Variants in TIMP3 observed in about 807,000 individuals in gnomAD.
The protein encoded by TIMP3 is TIMP metallopeptidase inhibitor 3, also known as metalloproteinase inhibitor 3.
In TIMP3, 11 loss-of-function variants were observed where a neutral mutation model predicts 30.0. The ratio of observed to expected loss-of-function variants is 0.37; its 90% CI spans 0.23 to 0.61. TIMP3 has a LOEUF of 0.61. Among genes scored for constraint, TIMP3 ranks in the 20% least tolerant of loss-of-function variants. The pLI, the probability that TIMP3 is intolerant of heterozygous loss-of-function variation, is 0.70. For missense variants in TIMP3, 181 were observed against 276.8 expected (o/e 0.65, Z 2.45); for synonymous variants, 112 against 111.3 (o/e 1.01, Z -0.04).
At chr22:32,803,921 A>G (rs1431999548) in intron 1 of TIMP3, among the ~76,000 whole-genome samples, 1 of 152,140 alleles carries the variant, frequency 6.6e-6, no homozygotes, top group Non-Finnish European at 1.5e-5. Flanking sequence ...CTAAAAATTG[A>G]CCACGGAAAA....
intron 1 of TIMP3, among the ~76,000 whole-genome samples, chr22:32,820,251 T>C (rs1034897290): frequency 3.3e-5 from 5 of 150,148 alleles, no homozygotes; most frequent in Non-Finnish European, 1.5e-5. Flanking sequence ...CCTGTGTGTG[T>C]GTGTGTGTGT....
chr22:32,851,285 C>T (rs926882733), intron 2 of TIMP3, among the ~76,000 whole-genome samples: 46 of 152,162 alleles, frequency 3.0e-4, no homozygotes, highest in African/African-American at 1.1e-3. Context: ...CAGCAGAGAG[C>T]TGAGAGGGAA....
At chr22:32,831,713 C>T (rs2047579484) in intron 1 of TIMP3, among the ~76,000 whole-genome samples, 1 of 152,186 alleles carries the variant, frequency 6.6e-6, no homozygotes, top group Admixed American at 6.5e-5. Flanking sequence ...GATCCACCTG[C>T]CCCTCCCTTC....
chr22:32,833,377 C>T lies in TIMP3; in HGVS notation c.122-16075C>T, dbSNP rs138993424. 7.9e-3 allele frequency among the ~76,000 whole-genome samples: 1,207 copies of T among 152,232 alleles called. 9 individuals carry two copies. The highest frequency in any genetic ancestry group is 0.012 in the Non-Finnish European group (839 of 68,008). The stretch of plus-strand genomic sequence containing the variant: ...GTTTTTTTGTAAGCCCAAGATGTCA[C>T]CTAGGTGGGAGAAAGCCACAGGGAA... On this transcript the variant is annotated intron_variant, in intron 1 of 4. Transcript: ENST00000266085.
chr22:32,850,289 T>A (rs1393035462), intron 2 of TIMP3, among the ~76,000 whole-genome samples: 3 of 151,960 alleles, frequency 2.0e-5, no homozygotes, highest in Admixed American at 2.0e-4. Flanking sequence ...GGCTTGTCCC[T>A]TTTCCTGGGC....
At chr22:32,831,620 C>T (rs376940220) in intron 1 of TIMP3, among the ~76,000 whole-genome samples, 9 of 152,132 alleles carry the variant, frequency 5.9e-5, no homozygotes, top group African/African-American at 1.9e-4. Flanking sequence ...CTTATCTTCT[C>T]GGCATTCTTT....
intron 1 of TIMP3, among the ~76,000 whole-genome samples, chr22:32,809,352 TG>T (rs1037692884): frequency 6.6e-6 from 1 of 152,254 alleles, no homozygotes; most frequent in Non-Finnish European, 1.5e-5. Context: ...TCCCCACTGT[TG>T]GGGTCCCCGT....
intron 2 of TIMP3, among the ~76,000 whole-genome samples, chr22:32,850,358 C>T (rs375248438): frequency 3.9e-5 from 6 of 152,022 alleles, no homozygotes; most frequent in African/African-American, 1.4e-4. Context: ...AACATCCTCT[C>T]TAGCTCAGGC....
At chr22:32,833,952 A>G (rs1397795113) in intron 1 of TIMP3, 1 of 486,238 alleles carries the variant, frequency 2.1e-6, no homozygotes, top group Non-Finnish European at 4.1e-6. Flanking sequence ...ATAATTAGGG[A>G]AAGTGGGGAA....
At chr22:32,838,814 T>C (rs1039030848) in intron 1 of TIMP3, among the ~76,000 whole-genome samples, 1 of 151,972 alleles carries the variant, frequency 6.6e-6, no homozygotes, top group Admixed American at 6.6e-5. Context: ...CATTCATTCA[T>C]TCAACATTTT....
chr22:32,856,981 G>A (rs538448706), intron 2 of TIMP3, among the ~76,000 whole-genome samples: 2 of 152,186 alleles, frequency 1.3e-5, no homozygotes, highest in Non-Finnish European at 2.9e-5. Context: ...TGCCACAAAT[G>A]ACAAGATTTC....
intron 1 of TIMP3, among the ~76,000 whole-genome samples, chr22:32,814,351 G>GAAAGAAAGAC (rs1555970165): frequency 1.4e-3 from 20 of 14,574 alleles, no homozygotes; most frequent in African/African-American, 2.9e-3. Context: ...GAAAGAAAGA[G>GAAAGAAAGAC]AGAAAGAAAG....
At chr22:32,841,953 G>A (rs1030796933) in intron 1 of TIMP3, among the ~76,000 whole-genome samples, 1 of 152,318 alleles carries the variant, frequency 6.6e-6, no homozygotes, top group East Asian at 1.9e-4. Context: ...CAAGCTGGAA[G>A]AACATAGCAG....
intron 2 of TIMP3, among the ~76,000 whole-genome samples, chr22:32,855,956 T>C (rs1356737303): frequency 6.6e-6 from 1 of 152,232 alleles, no homozygotes; most frequent in African/African-American, 2.4e-5. Context: ...ATGTGCTTCA[T>C]CTGGGATAAA....
At chr22:32,823,983 T>G (rs1355085554) in intron 1 of TIMP3, among the ~76,000 whole-genome samples, 2 of 152,152 alleles carry the variant, frequency 1.3e-5, no homozygotes, top group African/African-American at 4.8e-5. Context: ...TACATTCCTG[T>G]AAAATACAGT....
At chr22:32,823,342 C>T (rs2047309149) in intron 1 of TIMP3, among the ~76,000 whole-genome samples, 1 of 152,158 alleles carries the variant, frequency 6.6e-6, no homozygotes, top group South Asian at 2.1e-4. Flanking sequence ...ACAGAGAATG[C>T]CGCAAGGGAT....
Position 32,857,305 on chromosome 22 carries a change from C to A in TIMP3, c.261C>A (p.Ser87=), listed in dbSNP as rs11547635. 2.5e-6 allele frequency: 4 copies of A among 1,613,786 alleles called. No individual in the cohort carries two copies. The highest frequency in any genetic ancestry group is 3.4e-6 in the Non-Finnish European group (4 of 1,179,910). Residue 87 remains serine (S), a synonymous_variant, in exon 3 of 5, where the codon TCC becomes TCA. Transcript: ENST00000266085. ...PHVQYIHTEA[S]ESLCGLKLEV... ...TGCAGTACATCCATACGGAAGCTTC[C>A]GAGAGTCTCTGTGGCCTTAAGCTGG...
At chr22:32,855,309 C>T (rs1280824065) in intron 2 of TIMP3, among the ~76,000 whole-genome samples, 3 of 152,220 alleles carry the variant, frequency 2.0e-5, no homozygotes, top group African/African-American at 7.2e-5. Flanking sequence ...CTGTTACATT[C>T]ATTCACCCCA....
intron 1 of TIMP3, among the ~76,000 whole-genome samples, chr22:32,845,609 A>G (rs1569270973): frequency 6.6e-6 from 1 of 152,040 alleles, no homozygotes; most frequent in African/African-American, 2.4e-5. Context: ...CCAGACACCA[A>G]CCTAGTTCAT....
Sources: gnomAD v4.1 joint callset for allele counts (sites outside exome capture counted in the v4.1 genomes callset) on GRCh38, gnomAD v4.1.1 for gene constraint, MANE v1.5 for transcripts, NCBI Gene and HGNC (gene_info 2026-07-23, HGNC 2026-07-21) for gene names.